ECT2: variants seen among roughly 807,000 people sequenced by gnomAD.
ECT2 encodes the protein epithelial cell transforming 2.
A neutral mutation model predicts 116.9 loss-of-function variants in ECT2; 61 were observed. The ratio of observed to expected loss-of-function variants is 0.52; its 90% confidence interval spans 0.42 to 0.65. The LOEUF (loss-of-function observed/expected upper bound fraction) is 0.65. Ranked by LOEUF, ECT2 falls within the 30% of genes least tolerant of loss-of-function variation. ECT2 has a pLI of 0.00. For synonymous variants in ECT2, 358 were observed against 346.4 expected (o/e 1.03, Z -0.37); for missense variants, 937 against 1,078.7 (o/e 0.87, Z 1.84).
intron 23 of ECT2, among the ~76,000 whole-genome samples, chr3:172,816,214 A>G (rs917524893): frequency 2.0e-5 from 3 of 152,154 alleles, no homozygotes; most frequent in African/African-American, 7.2e-5. Flanking sequence ...ATTTACAGCC[A>G]TATTCTCTAC....
At position 172,769,927 on chromosome 3, in the gene ECT2, G is replaced by C. The variant is rs1284677126; in HGVS notation, c.1428+784G>C. On this transcript the variant is annotated intron_variant, in intron 13 of 24. Coordinates refer to ENST00000392692, the MANE Select transcript of ECT2 (RefSeq NM_001258315.2). ...GAAAACAATAGGGAGTTTCTGATTT[G>C]GGTTTAGTTTTTAATTGACTTTTAT... 2.0e-5 allele frequency among the ~76,000 whole-genome samples: 3 copies of C among 152,112 alleles called. No individual in the cohort carries two copies. In the East Asian group the frequency reaches 5.8e-4, roughly 29 times the overall value.
intron 22 of ECT2, among the ~76,000 whole-genome samples, chr3:172,810,868 A>T (rs888961980): frequency 6.6e-6 from 1 of 152,124 alleles, no homozygotes; most frequent in Non-Finnish European, 1.5e-5. Context: ...AGTGGGAAAG[A>T]TTGACTACTA....
chr3:172,796,146 T>A (rs1024623132), intron 18 of ECT2, among the ~76,000 whole-genome samples: 1 of 152,230 alleles, frequency 6.6e-6, no homozygotes, highest in Non-Finnish European at 1.5e-5. Context: ...AAAATGGTTG[T>A]TCCAGTATCA....
intron 13 of ECT2, among the ~76,000 whole-genome samples, chr3:172,769,674 G>A (rs966405724): frequency 6.6e-6 from 1 of 152,060 alleles, no homozygotes; most frequent in African/African-American, 2.4e-5. Flanking sequence ...ATATTAAAAT[G>A]TACTATAAAG....
At chr3:172,779,150 A>G (rs572480410) in intron 14 of ECT2, among the ~76,000 whole-genome samples, 1 of 152,326 alleles carries the variant, frequency 6.6e-6, no homozygotes, top group African/African-American at 2.4e-5. Context: ...GAAATTGAGG[A>G]ACATATAGCT....
intron 2 of ECT2, 139 bp from the exon 3 acceptor site, chr3:172,755,156 T>G (rs1716703041): frequency 1.7e-6 from 1 of 578,132 alleles, no homozygotes; most frequent in African/African-American, 2.0e-5. Context: ...AGTTGGGAGT[T>G]GAGTCCTATT....
chr3:172,769,157 T>C lies in ECT2; in HGVS notation c.1428+14T>C, dbSNP rs1264830255. The C allele has an allele frequency of 6.3e-7, 1 of 1,593,062 alleles. No individual in the cohort carries two copies. Among genetic ancestry groups the C allele is most frequent in the African/African-American group, 1.3e-5 (1 of 74,172 alleles). Reference sequence around the variant, plus strand: ...ACAATTATTCAGGTAAGTATGAGTTTGATTGAAAAATGATTTCTGTTCCAG... The same window carrying C: ...ACAATTATTCAGGTAAGTATGAGTTCGATTGAAAAATGATTTCTGTTCCAG... On this transcript the variant is annotated intron_variant, in intron 13 of 24. Transcript: ENST00000392692.
chr3:172,766,181 G>A (rs1459662045), intron 12 of ECT2, among the ~76,000 whole-genome samples: 2 of 152,110 alleles, frequency 1.3e-5, no homozygotes, highest in Non-Finnish European at 2.9e-5. Flanking sequence ...GGTTGGCCCA[G>A]AAATTTGAAA....
At chr3:172,828,341 T>TGTGTGTGTG in the ECT2 span, among the ~76,000 whole-genome samples, 1 of 151,930 alleles carries the variant, frequency 6.6e-6, no homozygotes, top group Non-Finnish European at 1.5e-5. Flanking sequence ...AGGCTGTGTG[T>TGTGTGTGTG]GTGTGTGTGT....
At chr3:172,754,801 T>C in intron 2 of ECT2, 141 bp downstream of exon 2, 1 of 651,504 alleles carries the variant, frequency 1.5e-6, no homozygotes, top group Non-Finnish European at 2.5e-6. Flanking sequence ...CAGAATCCTT[T>C]TACACTATGT....
At chr3:172,751,395 CTTT>C (rs1715786373) in intron 1 of ECT2, among the ~76,000 whole-genome samples, 1 of 152,224 alleles carries the variant, frequency 6.6e-6, no homozygotes, top group Non-Finnish European at 1.5e-5. Flanking sequence ...TTGAATACCT[CTTT>C]TACCCCTTAC....
intron 4 of ECT2, among the ~76,000 whole-genome samples, chr3:172,755,777 C>G (rs945640678): frequency 6.6e-6 from 1 of 152,060 alleles, no homozygotes; most frequent in African/African-American, 2.4e-5. Context: ...TGCTGTATTT[C>G]CAAAATTATA....
intron 9 of ECT2, 41 bp downstream of exon 9, chr3:172,762,587 C>G: frequency 6.3e-7 from 1 of 1,577,840 alleles, no homozygotes. Context: ...CTATTTTAGT[C>G]CCTAGGCCTG....
chr3:172,780,199 T>G (rs964363246), intron 14 of ECT2, among the ~76,000 whole-genome samples: 9 of 152,112 alleles, frequency 5.9e-5, no homozygotes, highest in Non-Finnish European at 1.2e-4. Flanking sequence ...ATTGTAAATA[T>G]GTTTATATAG....
In ECT2 at chr3:172,757,139, G is replaced by T. The variant is rs1035516746; in HGVS notation, c.460G>T (p.Val154Leu). 2.0e-6 allele frequency: 3 copies of T among 1,509,792 alleles called. No homozygotes were observed. Among genetic ancestry groups the T allele is most frequent in the African/African-American group, 1.4e-5 (1 of 69,900 alleles). 93.5% of individuals were successfully genotyped at this position (1,509,792 alleles called of 1,614,324 possible). The change falls in exon 5 of 25, where the codon GTA becomes TTA. Residue 154 changes from valine to leucine, a missense_variant. Transcript: ENST00000392692. ...ADCRVIGPPV[V>L]LNCSQKGEPL... ...TTGTAGAGTTATTGGACCACCAGTT[G>T]TATTAAATTGTTCACAAAAAGGAGA...
At chr3:172,770,761 T>G (rs1720473733) in intron 13 of ECT2, among the ~76,000 whole-genome samples, 1 of 152,212 alleles carries the variant, frequency 6.6e-6, no homozygotes, top group Non-Finnish European at 1.5e-5. Context: ...TCCAGAGGCT[T>G]CTTTATTCCA....
chr3:172,771,992 G>T (rs926980133), intron 13 of ECT2, among the ~76,000 whole-genome samples: 5 of 152,016 alleles, frequency 3.3e-5, no homozygotes, highest in Non-Finnish European at 7.4e-5. Context: ...TGAGTTTTGA[G>T]AATTCTTTCT....
intron 21 of ECT2, among the ~76,000 whole-genome samples, chr3:172,807,039 G>T (rs898722459): frequency 6.6e-6 from 1 of 152,124 alleles, no homozygotes; most frequent in Non-Finnish European, 1.5e-5. Flanking sequence ...TAGTATAGTT[G>T]TCCCTTGGTA....
chr3:172,753,669 G>C (rs1348798510), intron 1 of ECT2, among the ~76,000 whole-genome samples: 1 of 152,214 alleles, frequency 6.6e-6, no homozygotes, highest in Non-Finnish European at 1.5e-5. Context: ...AGACAAGATA[G>C]GTGGAGAGTC....
Sources: allele counts gnomAD v4.1 joint callset (sites outside exome capture counted in the v4.1 genomes callset), GRCh38; gene constraint gnomAD v4.1.1; transcripts MANE v1.5; gene names NCBI Gene and HGNC (gene_info 2026-07-23, HGNC 2026-07-21).